Variants in CORO2A observed in about 807,000 individuals in gnomAD.
CORO2A encodes the protein coronin 2A.
A neutral mutation model predicts 62.4 loss-of-function variants in CORO2A; 47 were observed. That is an observed-to-expected ratio of 0.75 (90% CI 0.60 to 0.96). The LOEUF (loss-of-function observed/expected upper bound fraction) is 0.96. Ranked by LOEUF, CORO2A falls within the 40% of genes least tolerant of loss-of-function variation. CORO2A has a pLI of 0.00. For synonymous variants in CORO2A, 273 were observed against 268.9 expected, an observed-to-expected ratio of 1.02 and a Z score of -0.15; for missense variants, 610 against 684.1, an observed-to-expected ratio of 0.89 and a Z score of 1.21.
chr9:98,145,990 T>C (rs1339458863), intron 2 of CORO2A, among the ~76,000 whole-genome samples: 5 of 152,124 alleles, frequency 3.3e-5, no homozygotes, highest in Non-Finnish European at 5.9e-5. Flanking sequence ...GGATTACAGG[T>C]GTGAGCCACC....
intron 7 of CORO2A, 62 bp from the exon 8 acceptor site, chr9:98,129,952 GCAAC>G (rs1468184162): frequency 1.5e-6 from 2 of 1,314,222 alleles, no homozygotes; most frequent in African/African-American, 2.9e-5. Context: ...CAGCTCATCA[GCAAC>G]CCAGCCATGC....
In CORO2A at chr9:98,181,460, G is replaced by A. The variant is rs78980749; in HGVS notation, c.-1+11099C>T. Among the ~76,000 whole-genome samples the A allele has an allele frequency of 7.9e-5, 12 of 151,570 alleles. No homozygotes were observed. In the East Asian group the frequency reaches 2.3e-3, roughly 30 times the overall value. On this transcript the variant is annotated intron_variant, in intron 1 of 11. Transcript: ENST00000375077. ...CAAAGTGCTAGGATTATAGGCGTGA[G>A]CCTCGGTGCCTGGCTCCAAACATCT...
chr9:98,144,842 AG>A lies in CORO2A; in HGVS notation c.202-7155del, dbSNP rs368834482. On this transcript the variant is annotated intron_variant, in intron 2 of 11. Coordinates refer to ENST00000375077, the MANE Select transcript of CORO2A (RefSeq NM_052820.4). ...AGGCTGAGCAAGAGGGGTGAGGCTGAGGGCATGGAGTCTACTCACCCTGCCC... is the reference window on the plus strand; with the variant it reads ...AGGCTGAGCAAGAGGGGTGAGGCTGAGGCATGGAGTCTACTCACCCTGCCC... 6.4e-4 allele frequency among the ~76,000 whole-genome samples: 98 copies of A among 152,138 alleles called. 1 individual carries two copies. The South Asian group carries it at 0.02, about 31-fold the overall frequency.
At chr9:98,141,823 A>G (rs1827572639) in intron 2 of CORO2A, among the ~76,000 whole-genome samples, 1 of 152,212 alleles carries the variant, frequency 6.6e-6, no homozygotes, top group African/African-American at 2.4e-5. Flanking sequence ...AGGATTGTTG[A>G]GAGTTAAATG....
chr9:98,181,589 C>G (rs1828178755), intron 1 of CORO2A, among the ~76,000 whole-genome samples: 1 of 152,066 alleles, frequency 6.6e-6, no homozygotes, highest in African/African-American at 2.4e-5. Flanking sequence ...TTCTACTTCC[C>G]CAGCCTCACC....
chr9:98,172,469 A>C (rs1327409506), intron 1 of CORO2A, among the ~76,000 whole-genome samples: 3 of 36,098 alleles, frequency 8.3e-5, no homozygotes, highest in Admixed American at 3.9e-4. Context: ...CCCACACCCC[A>C]CTTCTGAGAC....
chr9:98,189,360 T>A (rs1045883961), intron 1 of CORO2A, among the ~76,000 whole-genome samples: 1 of 152,228 alleles, frequency 6.6e-6, no homozygotes, highest in African/African-American at 2.4e-5. Flanking sequence ...AAGATTCTGC[T>A]GAATTATTTT....
At chr9:98,171,830 C>T (rs192602597) in intron 1 of CORO2A, among the ~76,000 whole-genome samples, 3 of 151,438 alleles carry the variant, frequency 2.0e-5, no homozygotes, top group East Asian at 1.9e-4. Flanking sequence ...GTGCTGGGGG[C>T]GCAGTGCTGA....
intron 1 of CORO2A, among the ~76,000 whole-genome samples, chr9:98,181,546 T>C (rs1292495665): frequency 6.6e-6 from 1 of 152,066 alleles, no homozygotes; most frequent in Non-Finnish European, 1.5e-5. Flanking sequence ...TTCCGAAATA[T>C]GTAAACGTGA....
intron 2 of CORO2A, among the ~76,000 whole-genome samples, chr9:98,138,507 G>C (rs532797049): frequency 2.0e-5 from 3 of 151,874 alleles, no homozygotes; most frequent in African/African-American, 7.2e-5. Context: ...ATCAAGTGAA[G>C]AATGGACATA....
chr9:98,142,884 G>C (rs1354705404), intron 2 of CORO2A, among the ~76,000 whole-genome samples: 1 of 147,822 alleles, frequency 6.8e-6, no homozygotes, highest in Admixed American at 6.9e-5. Flanking sequence ...GCGCTGCCCT[G>C]CCCTGGGCTG....
chr9:98,186,040 C>G (rs574510073), intron 1 of CORO2A, among the ~76,000 whole-genome samples: 21 of 152,376 alleles, frequency 1.4e-4, no homozygotes, highest in Non-Finnish European at 2.2e-4. Context: ...ACGCCTGCCC[C>G]TGCACTGCCT....
At chr9:98,139,826 G>A (rs1274300854) in intron 2 of CORO2A, among the ~76,000 whole-genome samples, 2 of 152,110 alleles carry the variant, frequency 1.3e-5, no homozygotes, top group African/African-American at 4.8e-5. Flanking sequence ...TGAATTTTCT[G>A]GTATGTGAAT....
chr9:98,192,342 C>T (rs551068100), intron 1 of CORO2A, among the ~76,000 whole-genome samples: 1 of 152,244 alleles, frequency 6.6e-6, no homozygotes, highest in Non-Finnish European at 1.5e-5. Context: ...GAGAAGGGGG[C>T]CACCAATGAG....
intron 2 of CORO2A, among the ~76,000 whole-genome samples, chr9:98,151,825 T>G (rs1184321290): frequency 6.7e-6 from 1 of 149,214 alleles, no homozygotes. Context: ...TTTTTTTTTT[T>G]TTTTTTTTTG....
chr9:98,160,185 T>C (rs1242749250), intron 1 of CORO2A, among the ~76,000 whole-genome samples: 1 of 152,122 alleles, frequency 6.6e-6, no homozygotes, highest in East Asian at 1.9e-4. Context: ...GCACAGAATG[T>C]AGGGATGGAC....
intron 10 of CORO2A, 180 bp from the exon 11 acceptor site, chr9:98,127,003 C>G: frequency 1.5e-6 from 1 of 662,998 alleles, no homozygotes; most frequent in Middle Eastern, 2.5e-4. Flanking sequence ...CTAACAGATA[C>G]AAATACCCAC....
intron 2 of CORO2A, among the ~76,000 whole-genome samples, chr9:98,145,349 G>A (rs1827629202): frequency 6.6e-6 from 1 of 152,152 alleles, no homozygotes; most frequent in Non-Finnish European, 1.5e-5. Flanking sequence ...TGTCCTTTGG[G>A]GACCTATAGA....
chr9:98,162,462 T>C (rs758400527), intron 1 of CORO2A, among the ~76,000 whole-genome samples: 8 of 152,026 alleles, frequency 5.3e-5, no homozygotes, highest in Non-Finnish European at 8.8e-5. Context: ...CCCCCAATCC[T>C]CTCCCCACCC....
Sources: gnomAD v4.1 joint callset for allele counts (sites outside exome capture counted in the v4.1 genomes callset) on GRCh38, gnomAD v4.1.1 for gene constraint, MANE v1.5 for transcripts, NCBI Gene and HGNC (gene_info 2026-07-23, HGNC 2026-07-21) for gene names.